The following SGMS1 variants were observed in gnomAD, a reference collection of about 807,000 sequenced individuals.
SGMS1 encodes phosphatidylcholine:ceramide cholinephosphotransferase 1.
In SGMS1, 13 loss-of-function variants were observed where a neutral mutation model predicts 46.2. The observed-to-expected ratio is 0.28, with a 90% CI of 0.18 to 0.45. SGMS1 has a LOEUF of 0.45. SGMS1 is among the 20% of genes least tolerant of loss of function. The pLI is 1.00. For missense variants in SGMS1, 324 were observed against 519.9 expected, an observed-to-expected ratio of 0.62 and a Z score of 3.66; for synonymous variants, 203 against 187.8, an observed-to-expected ratio of 1.08 and a Z score of -0.66.
intron 8 of SGMS1, among the ~76,000 whole-genome samples, chr10:50,323,757 T>A (rs1847485600): frequency 6.6e-6 from 1 of 152,188 alleles, no homozygotes; most frequent in African/African-American, 2.4e-5. Context: ...CCTATTCTCA[T>A]TCCCTGCATG....
intron 2 of SGMS1, among the ~76,000 whole-genome samples, chr10:50,550,115 G>C (rs903586783): frequency 5.9e-5 from 9 of 152,204 alleles, no homozygotes; most frequent in African/African-American, 2.2e-4. Context: ...CCACCTTTCA[G>C]TCTTTTCCAA....
At chr10:50,529,865 A>T (rs1370599767) in intron 2 of SGMS1, among the ~76,000 whole-genome samples, 3 of 152,214 alleles carry the variant, frequency 2.0e-5, no homozygotes, top group Non-Finnish European at 1.5e-5. Context: ...AAGGAGAACC[A>T]TGTACTGGAG....
At chr10:50,465,954 T>G (rs1837323810) in intron 4 of SGMS1, among the ~76,000 whole-genome samples, 1 of 151,770 alleles carries the variant, frequency 6.6e-6, no homozygotes, top group Admixed American at 6.6e-5. Flanking sequence ...AAGTAGACAT[T>G]AATACTTATC....
chr10:50,495,896 T>C (rs911587678), intron 3 of SGMS1, among the ~76,000 whole-genome samples: 1 of 152,172 alleles, frequency 6.6e-6, no homozygotes, highest in Non-Finnish European at 1.5e-5. Context: ...AAGGGAGAAC[T>C]GAGATGAAAG....
chr10:50,338,642 GA>G (rs564487220), intron 7 of SGMS1, among the ~76,000 whole-genome samples: 339 of 152,128 alleles, frequency 2.2e-3, no homozygotes, highest in Non-Finnish European at 3.8e-3. Context: ...CTTCTAGAAA[GA>G]GTTCAGCCCT....
intron 6 of SGMS1, among the ~76,000 whole-genome samples, chr10:50,387,899 CT>C (rs1848704840): frequency 6.6e-6 from 1 of 152,116 alleles, no homozygotes; most frequent in Admixed American, 6.5e-5. Flanking sequence ...TAGTGTTTGC[CT>C]TATTTGAATA....
intron 6 of SGMS1, among the ~76,000 whole-genome samples, chr10:50,392,046 G>T (rs1206056188): frequency 6.6e-6 from 1 of 151,982 alleles, no homozygotes; most frequent in Non-Finnish European, 1.5e-5. Flanking sequence ...TGGAGGGTGG[G>T]AGGAAGGTCA....
At chr10:50,395,145 T>C (rs1848830524) in intron 6 of SGMS1, among the ~76,000 whole-genome samples, 1 of 152,192 alleles carries the variant, frequency 6.6e-6, no homozygotes, top group South Asian at 2.1e-4. Context: ...TGATTTTGTG[T>C]GTGTGTGATT....
At chr10:50,430,864 A>G (rs1350834694) in intron 6 of SGMS1, among the ~76,000 whole-genome samples, 1 of 152,262 alleles carries the variant, frequency 6.6e-6, no homozygotes, top group Middle Eastern at 3.4e-3. Context: ...CGTCAAAAGC[A>G]ACGAGTCCCA....
At chr10:50,383,916 T>G (rs1042812707) in intron 6 of SGMS1, among the ~76,000 whole-genome samples, 1 of 152,176 alleles carries the variant, frequency 6.6e-6, no homozygotes, top group African/African-American at 2.4e-5. Flanking sequence ...TGCTATACAC[T>G]GAATATAGAC....
At position 50,306,014 on chromosome 10, in the gene SGMS1, T is replaced by C. The variant is rs890539655; in HGVS notation, c.*1128A>G. 6.5e-6 allele frequency: 1 copy of C among 152,688 alleles called. No individual in the cohort carries two copies. The allele number at this position is 152,688 out of a possible 1,614,324, so 9.5% of individuals were successfully genotyped here. A position where few individuals can be genotyped will look rare whatever the true frequency, so the allele number is the denominator to read the frequency against. On this transcript the variant is annotated 3_prime_UTR_variant, in exon 11 of 11. Transcript: ENST00000361781. ...TCTTTTTTGTTGTTCACCAACAAAA[T>C]TGTCATGAGAGTATGGATAACTAAT... is the stretch of plus-strand genomic sequence containing the variant.
At chr10:50,558,639 G>A (rs115176125) in intron 2 of SGMS1, among the ~76,000 whole-genome samples, 1,774 of 152,190 alleles carry the variant, frequency 0.012, 31 homozygotes, top group African/African-American at 0.041. Context: ...TTTGAACTAC[G>A]TGGTCCACTT....
At chr10:50,396,994 G>C (rs74131295) in intron 6 of SGMS1, among the ~76,000 whole-genome samples, 4,522 of 152,064 alleles carry the variant, frequency 0.03, 227 homozygotes, top group African/African-American at 0.1. Flanking sequence ...CTCAAAATGT[G>C]AATATCCGTT....
At chr10:50,330,293 A>AAAAACAAAACAAAACAAAACAAAAC (rs10678162) in intron 7 of SGMS1, among the ~76,000 whole-genome samples, 2 of 150,070 alleles carry the variant, frequency 1.3e-5, no homozygotes, top group Admixed American at 6.7e-5. Context: ...GTCTCTACTA[A>AAAAACAAAACAAAACAAAACAAAAC]AAAACAAAAC....
At chr10:50,501,254 G>A (rs1029699392) in intron 3 of SGMS1, among the ~76,000 whole-genome samples, 1 of 152,102 alleles carries the variant, frequency 6.6e-6, no homozygotes, top group East Asian at 1.9e-4. Context: ...TCTCCCTTGT[G>A]AAGTCCTTCA....
intron 6 of SGMS1, among the ~76,000 whole-genome samples, chr10:50,403,702 C>A (rs1848972323): frequency 1.3e-5 from 2 of 150,648 alleles, no homozygotes; most frequent in African/African-American, 4.9e-5. Flanking sequence ...AGGCTCAATA[C>A]ACTGATGAAG....
intron 7 of SGMS1, among the ~76,000 whole-genome samples, chr10:50,330,997 C>A (rs934031728): frequency 6.6e-6 from 1 of 152,060 alleles, no homozygotes; most frequent in Non-Finnish European, 1.5e-5. Context: ...AAAGACATCA[C>A]TTTCTTATGA....
intron 1 of SGMS1, among the ~76,000 whole-genome samples, chr10:50,594,390 TGAA>T (rs1311630573): frequency 6.6e-6 from 1 of 152,214 alleles, no homozygotes; most frequent in Non-Finnish European, 1.5e-5. Flanking sequence ...GGTATCTTCT[TGAA>T]GGAGAAAAAG....
At chr10:50,311,165 C>T in intron 9 of SGMS1, 97 bp downstream of exon 9, 1 of 1,455,890 alleles carries the variant, frequency 6.9e-7, no homozygotes, top group Non-Finnish European at 9.4e-7. Context: ...TCCAGTCTTG[C>T]TTCAGCAGAT....
Sources: allele counts gnomAD v4.1 joint callset (sites outside exome capture counted in the v4.1 genomes callset), GRCh38; gene constraint gnomAD v4.1.1; transcripts MANE v1.5; gene names NCBI Gene and HGNC (gene_info 2026-07-23, HGNC 2026-07-21).